The following LRRC36 variants were observed in gnomAD, a reference collection of about 807,000 sequenced individuals.
LRRC36 encodes leucine-rich repeat-containing protein 36.
Under a neutral mutation model 81.1 loss-of-function variants are expected in LRRC36, and 62 were observed. The observed-to-expected ratio is 0.76, with a 90% CI of 0.62 to 0.94. The LOEUF (loss-of-function observed/expected upper bound fraction) is 0.94. LRRC36 is among the 40% of genes least tolerant of loss of function. The pLI, the probability that LRRC36 is intolerant of heterozygous loss-of-function variation, is 0.00. For missense variants in LRRC36, 761 were observed against 881.7 expected, an observed-to-expected ratio of 0.86 and a Z score of 1.73; for synonymous variants, 334 against 348.6, an observed-to-expected ratio of 0.96 and a Z score of 0.47.
At chr16:67,339,843 C>G (rs578073449) in intron 1 of LRRC36, among the ~76,000 whole-genome samples, 1 of 152,136 alleles carries the variant, frequency 6.6e-6, no homozygotes, top group African/African-American at 2.4e-5. Flanking sequence ...TGGTTTATGA[C>G]TATTTAAAGC....
rs2039995557 is a variant in LRRC36 at position 67,378,522 on chromosome 16, G to A, written c.1807-67G>A. ...CCCAAAGTGCTAGGATTACAGGCGT[G>A]AGCCACGGCACCCAGCCTAGAATGT... On this transcript the variant is annotated intron_variant, in intron 11 of 13. Transcript: ENST00000329956. 2.3e-5 allele frequency: 35 copies of A among 1,523,730 alleles called. No homozygotes were observed. The South Asian group carries it at 3.9e-4, about 17-fold the overall frequency. The allele number at this position is 1,523,730 out of a possible 1,614,324, so 94.4% of individuals were successfully genotyped here.
At chr16:67,356,535 AAAG>A (rs1318191011) in intron 5 of LRRC36, among the ~76,000 whole-genome samples, 1 of 152,230 alleles carries the variant, frequency 6.6e-6, no homozygotes, top group Admixed American at 6.5e-5. Flanking sequence ...GCAATTCAGC[AAAG>A]AAGTGCATAT....
chr16:67,370,901 CA>C, intron 8 of LRRC36, 42 bp from the exon 9 acceptor site: 1 of 1,544,694 alleles, frequency 6.5e-7, no homozygotes, highest in Non-Finnish European at 8.9e-7. Context: ...AGACATGAGG[CA>C]GTCAGAGGGC....
intron 5 of LRRC36, among the ~76,000 whole-genome samples, chr16:67,358,516 C>T (rs2039002792): frequency 1.3e-5 from 2 of 149,812 alleles, no homozygotes; most frequent in Admixed American, 1.3e-4. Flanking sequence ...TTTTTTGCAC[C>T]CAGCTATTTT....
intron 1 of LRRC36, among the ~76,000 whole-genome samples, chr16:67,339,472 A>G (rs755785011): frequency 1.4e-4 from 22 of 152,034 alleles, no homozygotes; most frequent in Non-Finnish European, 2.9e-4. Flanking sequence ...ATCTTTCTGG[A>G]GTGCTTTTAA....
intron 5 of LRRC36, among the ~76,000 whole-genome samples, chr16:67,355,405 C>T (rs1597462121): frequency 1.8e-5 from 2 of 112,874 alleles, no homozygotes; most frequent in South Asian, 3.2e-4. Flanking sequence ...GACGGAGTCT[C>T]GCTCTGTCGC....
chr16:67,330,171 A>C (rs1167405626), intron 1 of LRRC36, among the ~76,000 whole-genome samples: 1 of 151,734 alleles, frequency 6.6e-6, no homozygotes. Flanking sequence ...AATCAGATTC[A>C]GGTTGGATTT....
At chr16:67,340,493 T>C (rs894216179) in intron 1 of LRRC36, among the ~76,000 whole-genome samples, 1 of 151,674 alleles carries the variant, frequency 6.6e-6, no homozygotes, top group African/African-American at 2.4e-5. Flanking sequence ...CGTTTCTACC[T>C]AAAATACAAA....
intron 1 of LRRC36, among the ~76,000 whole-genome samples, chr16:67,339,333 T>A (rs1464949946): frequency 6.6e-6 from 1 of 152,062 alleles, no homozygotes; most frequent in Non-Finnish European, 1.5e-5. Flanking sequence ...AGTTTTAACT[T>A]TGTGGACCCC....
chr16:67,363,508 T>C, intron 5 of LRRC36, 82 bp from the exon 6 acceptor site: 1 of 1,438,446 alleles, frequency 7.0e-7, no homozygotes. Context: ...GTGACTTTCC[T>C]TTTAGTATCT....
At chr16:67,374,490 G>A (rs1405939069) in intron 9 of LRRC36, among the ~76,000 whole-genome samples, 1 of 152,006 alleles carries the variant, frequency 6.6e-6, no homozygotes, top group Non-Finnish European at 1.5e-5. Context: ...TGCCTCCCGA[G>A]TTTAAGCAAT....
chr16:67,332,905 T>TA lies in LRRC36; in HGVS notation c.70+5981dup, dbSNP rs1156305022. Among the ~76,000 whole-genome samples, 214 of 151,222 alleles carry TA rather than the reference T, an allele frequency of 1.4e-3. 1 individual carries two copies. The highest frequency in any genetic ancestry group is 5.0e-3 in the African/African-American group (207 of 41,212). On this transcript the variant is annotated intron_variant, in intron 1 of 13. Transcript: ENST00000329956. ...TTTATTTTATTTATTTATTTTTTTTTAAAAAAAACATGGTCTTATTCTGTT... is the reference window on the plus strand; with the variant it reads ...TTTATTTTATTTATTTATTTTTTTTTAAAAAAAAACATGGTCTTATTCTGTT...
intron 5 of LRRC36, among the ~76,000 whole-genome samples, chr16:67,363,077 C>G (rs1265856473): frequency 6.6e-6 from 1 of 152,110 alleles, no homozygotes; most frequent in East Asian, 1.9e-4. Flanking sequence ...GCCACCACGC[C>G]CAGCTTAGTT....
intron 6 of LRRC36, among the ~76,000 whole-genome samples, chr16:67,364,669 A>G (rs1042355288): frequency 6.6e-6 from 1 of 152,008 alleles, no homozygotes; most frequent in Non-Finnish European, 1.5e-5. Flanking sequence ...TGCAATCTCC[A>G]GTTAAATAGC....
chr16:67,334,102 G>T (rs1267145097), intron 1 of LRRC36, among the ~76,000 whole-genome samples: 5 of 150,248 alleles, frequency 3.3e-5, no homozygotes, highest in Non-Finnish European at 7.4e-5. Context: ...GTGGATCTCG[G>T]CTCACCGCAA....
At chr16:67,362,925 G>A (rs975390123) in intron 5 of LRRC36, among the ~76,000 whole-genome samples, 8 of 152,026 alleles carry the variant, frequency 5.3e-5, no homozygotes, top group East Asian at 3.9e-4. Context: ...TTATAGGCGC[G>A]CGCCACCACT....
intron 5 of LRRC36, among the ~76,000 whole-genome samples, chr16:67,350,641 A>G (rs1207621738): frequency 6.6e-6 from 1 of 152,216 alleles, no homozygotes; most frequent in Non-Finnish European, 1.5e-5. Flanking sequence ...GGGCTGCCCA[A>G]CCAAGAACCT....
chr16:67,380,466 G>A (rs139814190), intron 12 of LRRC36, among the ~76,000 whole-genome samples: 1,716 of 152,268 alleles, frequency 0.011, 11 homozygotes, highest in Non-Finnish European at 0.017. Context: ...AGGCCAGTAT[G>A]TTAGATAAAG....
At chr16:67,382,336 C>A in intron 13 of LRRC36, 89 bp downstream of exon 13, 3 of 905,328 alleles carry the variant, frequency 3.3e-6, no homozygotes, top group Non-Finnish European at 5.1e-6. Flanking sequence ...AATATCTATG[C>A]ACTTTGCAAG....
Sources: allele counts gnomAD v4.1 joint callset (sites outside exome capture counted in the v4.1 genomes callset), GRCh38; gene constraint gnomAD v4.1.1; transcripts MANE v1.5; gene names NCBI Gene and HGNC (gene_info 2026-07-23, HGNC 2026-07-21).